Variants in TM2D1 observed in about 807,000 individuals in gnomAD.
TM2D1 encodes the protein TM2 domain containing 1, also known as TM2 domain-containing protein 1.
Under a neutral mutation model 28.4 loss-of-function variants are expected in TM2D1, and 15 were observed. The observed-to-expected ratio is 0.53, with a 90% CI of 0.35 to 0.81. The LOEUF (loss-of-function observed/expected upper bound fraction) is 0.81. TM2D1 is among the 40% of genes least tolerant of loss of function. The probability of loss-of-function intolerance (pLI) is 0.01; values close to 1 mark genes in which losing one functional copy is unlikely to be tolerated. For synonymous variants in TM2D1, 93 were observed against 96.2 expected (o/e 0.97, Z 0.20); for missense variants, 236 against 254.9 (o/e 0.93, Z 0.50).
At chr1:61,701,046 AG>A in intron 3 of TM2D1, 21 bp from the exon 4 acceptor site, 1 of 1,572,240 alleles carries the variant, frequency 6.4e-7, no homozygotes, top group South Asian at 1.2e-5. Flanking sequence ...TTAAAATCTG[AG>A]TATCATATTT....
intron 5 of TM2D1, among the ~76,000 whole-genome samples, chr1:61,692,083 G>A (rs913805509): frequency 2.0e-5 from 3 of 150,118 alleles, no homozygotes; most frequent in African/African-American, 7.3e-5. Context: ...AAGATGGTAT[G>A]CTATACATGT....
rs553174482 is a variant in TM2D1, at chr1:61,691,897, G to A, written c.513+2800C>T. Among the ~76,000 whole-genome samples the A allele has an allele frequency of 2.0e-3, 179 of 90,482 alleles. 1 individual carries two copies. Among genetic ancestry groups the A allele is most frequent in the African/African-American group, 6.1e-3 (171 of 28,054 alleles). 59.4% of individuals were successfully genotyped at this position (90,482 alleles called of 152,430 possible). On this transcript the variant is annotated intron_variant, in intron 5 of 6. Transcript: ENST00000606498. ...GCCACTGCACTCCAGCCTGGGCGAC[G>A]AAAACTCCATCTCAAAAAAAACTTA... is the stretch of plus-strand genomic sequence containing the variant.
intron 5 of TM2D1, among the ~76,000 whole-genome samples, chr1:61,685,519 T>C (rs938990664): frequency 6.6e-6 from 1 of 152,234 alleles, no homozygotes; most frequent in African/African-American, 2.4e-5. Flanking sequence ...ATTCCTGTGA[T>C]ATTCCAGGTT....
intron 4 of TM2D1, among the ~76,000 whole-genome samples, chr1:61,696,424 A>G (rs1182420436): frequency 2.0e-5 from 3 of 152,014 alleles, no homozygotes; most frequent in African/African-American, 7.2e-5. Context: ...CTGTGATCCC[A>G]GCTACTCAGG....
chr1:61,708,907 T>C (rs1207781494), intron 3 of TM2D1, among the ~76,000 whole-genome samples: 6 of 151,804 alleles, frequency 4.0e-5, no homozygotes, highest in Non-Finnish European at 8.8e-5. Flanking sequence ...CTCATGCCTG[T>C]AAATCCCAGC....
At position 61,694,735 on chromosome 1, in the gene TM2D1, T is replaced by C. The variant is rs895118790; in HGVS notation, c.475A>G (p.Ile159Val). The change falls in exon 5 of 7, where the codon ATT becomes GTT. Residue 159 changes from isoleucine to valine, a missense_variant. By Grantham distance (29) the Ile-to-Val change is conservative. Transcript: ENST00000606498. ...AGAATGAAATCAATTAGGCTCCCAA[T>C]TCCACAAAACCCTACAGTGCAAAAC... ...LKFCTVGFCG[I>V]GSLIDFILIS... The C allele has an allele frequency of 9.3e-6, 15 of 1,608,684 alleles. No homozygotes were observed. The highest frequency in any genetic ancestry group is 1.3e-5 in the Non-Finnish European group (15 of 1,177,562).
chr1:61,691,932 A>AAATATATAT, intron 5 of TM2D1, among the ~76,000 whole-genome samples: 2 of 76,398 alleles, frequency 2.6e-5, no homozygotes, highest in South Asian at 4.4e-4. Flanking sequence ...AAAAAAAAAA[A>AAATATATAT]ATATATATAT....
chr1:61,722,365 T>TA (rs1001012729), intron 2 of TM2D1, among the ~76,000 whole-genome samples: 17 of 152,138 alleles, frequency 1.1e-4, no homozygotes, highest in African/African-American at 4.1e-4. Context: ...ATATTACGCT[T>TA]AAAGAAACTT....
chr1:61,698,162 G>T (rs1344537176), intron 4 of TM2D1: 3 of 151,928 alleles, frequency 2.0e-5, no homozygotes, highest in Non-Finnish European at 4.4e-5. Flanking sequence ...CCTGTTTCTA[G>T]TTTTTTTTGA....
At chr1:61,724,132 T>C (rs1272334515) in intron 1 of TM2D1, among the ~76,000 whole-genome samples, 2 of 152,150 alleles carry the variant, frequency 1.3e-5, no homozygotes, top group East Asian at 3.8e-4. Flanking sequence ...TTCAAATAGG[T>C]CACCCAAGGT....
chr1:61,685,842 C>CA (rs549461393), intron 5 of TM2D1, among the ~76,000 whole-genome samples: 4 of 151,626 alleles, frequency 2.6e-5, no homozygotes, highest in African/African-American at 9.7e-5. Context: ...TTGCCTCTAC[C>CA]AAAAAAAATG....
chr1:61,691,932 A>AAAAAAAAATATATATATATAT, intron 5 of TM2D1, among the ~76,000 whole-genome samples: 51 of 76,344 alleles, frequency 6.7e-4, no homozygotes, highest in East Asian at 9.5e-4. Flanking sequence ...AAAAAAAAAA[A>AAAAAAAAATATATATATATAT]ATATATATAT....
intron 3 of TM2D1, among the ~76,000 whole-genome samples, chr1:61,708,992 C>G (rs1644459089): frequency 6.6e-6 from 1 of 151,942 alleles, no homozygotes. Flanking sequence ...ATAGAGAGAT[C>G]TCATCTCTAC....
chr1:61,703,151 G>C (rs1345482489), intron 3 of TM2D1, among the ~76,000 whole-genome samples: 1 of 151,324 alleles, frequency 6.6e-6, no homozygotes, highest in East Asian at 2.0e-4. Flanking sequence ...GGGAGAGCTG[G>C]ACACACTGGC....
chr1:61,723,683 T>C (rs1310715986), intron 2 of TM2D1, 30 bp downstream of exon 2: 19 of 1,279,702 alleles, frequency 1.5e-5, no homozygotes, highest in Non-Finnish European at 8.6e-6. Flanking sequence ...TTTAAAATTA[T>C]TTTTAAAGAC....
intron 5 of TM2D1, chr1:61,694,039 T>C (rs556362668): frequency 3.3e-5 from 5 of 152,346 alleles, no homozygotes; most frequent in Non-Finnish European, 7.3e-5. Context: ...AATAAGGCTA[T>C]GGAGAAAAGC....
In TM2D1 at chr1:61,724,634, G is replaced by C. The variant is rs532563131; in HGVS notation, c.164+323C>G. Among the ~76,000 whole-genome samples, 340 of 152,216 alleles carry C rather than the reference G, an allele frequency of 2.2e-3. 3 individuals are homozygous for C. The highest frequency in any genetic ancestry group is 7.9e-3 in the African/African-American group (330 of 41,534). On this transcript the variant is annotated intron_variant, in intron 1 of 6. Transcript: ENST00000606498. ...GAGACTATCCATCTTTGTATTACTA[G>C]TGTCTAGAACGGGGCCTGGCATACT...
At chr1:61,721,743 T>C (rs1644566297) in intron 2 of TM2D1, among the ~76,000 whole-genome samples, 1 of 151,752 alleles carries the variant, frequency 6.6e-6, no homozygotes, top group Non-Finnish European at 1.5e-5. Flanking sequence ...TCATGAGCTA[T>C]TTTGATATCT....
intron 2 of TM2D1, among the ~76,000 whole-genome samples, chr1:61,712,700 C>T (rs760226464): frequency 2.4e-4 from 37 of 152,228 alleles, no homozygotes; most frequent in Non-Finnish European, 4.1e-4. Context: ...TGTGAGCCAC[C>T]GTACCCAGCC....
Sources: allele counts gnomAD v4.1 joint callset (sites outside exome capture counted in the v4.1 genomes callset), GRCh38; gene constraint gnomAD v4.1.1; transcripts MANE v1.5; gene names NCBI Gene and HGNC (gene_info 2026-07-23, HGNC 2026-07-21).